Variants in WWOX observed in about 807,000 individuals in gnomAD.
WWOX encodes WW domain-containing oxidoreductase.
In WWOX, 69 loss-of-function variants were observed where a neutral mutation model predicts 46.2. The ratio of observed to expected loss-of-function variants is 1.49; its 90% CI spans 1.23 to 1.82. WWOX has a LOEUF of 1.82. Ranked by LOEUF, WWOX falls within the 40% of genes most tolerant of loss-of-function variation. WWOX has a pLI of 0.00. For synonymous variants in WWOX, 359 were observed against 202.6 expected (o/e 1.77, Z -6.56); for missense variants, 919 against 542.6 (o/e 1.69, Z -6.89).
intron 5 of WWOX, among the ~76,000 whole-genome samples, chr16:78,181,615 C>T (rs143476888): frequency 2.0e-5 from 3 of 152,174 alleles, no homozygotes; most frequent in African/African-American, 7.2e-5. Context: ...TAATTTGGTT[C>T]TTTGCTATTG....
intron 8 of WWOX, among the ~76,000 whole-genome samples, chr16:78,516,177 C>T (rs564346397): frequency 6.6e-6 from 1 of 152,330 alleles, no homozygotes; most frequent in Admixed American, 6.5e-5. Flanking sequence ...CCCAAGACCA[C>T]AGCTGACAGC....
At chr16:78,577,995 G>C (rs921604705) in intron 8 of WWOX, among the ~76,000 whole-genome samples, 1 of 151,820 alleles carries the variant, frequency 6.6e-6, no homozygotes, top group African/African-American at 2.4e-5. Flanking sequence ...TTGTCACCTA[G>C]GTCCAGATTT....
intron 6 of WWOX, among the ~76,000 whole-genome samples, chr16:78,409,251 A>G (rs930727472): frequency 3.4e-5 from 5 of 149,188 alleles, no homozygotes; most frequent in Admixed American, 6.6e-5. Context: ...CTGTACAATA[A>G]AAGGGTGAAT....
chr16:78,373,797 G>T (rs1486551497), intron 5 of WWOX, among the ~76,000 whole-genome samples: 1 of 151,988 alleles, frequency 6.6e-6, no homozygotes, highest in Non-Finnish European at 1.5e-5. Flanking sequence ...GCATATATAT[G>T]TATATTTTTT....
chr16:78,167,713 T>TA (rs1421739177), intron 5 of WWOX: 1 of 152,202 alleles, frequency 6.6e-6, no homozygotes, highest in Non-Finnish European at 1.5e-5. Context: ...AAGCTGTAGT[T>TA]ACCATTTCAT....
chr16:78,370,222 T>C (rs74683185), intron 5 of WWOX, among the ~76,000 whole-genome samples: 268 of 152,154 alleles, frequency 1.8e-3, no homozygotes, highest in African/African-American at 6.3e-3. Flanking sequence ...TAAACTCTCT[T>C]TACAATCTGG....
intron 8 of WWOX, among the ~76,000 whole-genome samples, chr16:78,516,934 T>G (rs1301657015): frequency 6.6e-6 from 1 of 152,222 alleles, no homozygotes; most frequent in Non-Finnish European, 1.5e-5. Flanking sequence ...ACCTCATGTC[T>G]GTACCTTTTT....
chr16:78,664,099 G>C (rs564060002), intron 8 of WWOX, among the ~76,000 whole-genome samples: 2 of 152,308 alleles, frequency 1.3e-5, no homozygotes, highest in South Asian at 4.1e-4. Flanking sequence ...TAGGAGGCAG[G>C]AGTGAAAGCT....
intron 8 of WWOX, among the ~76,000 whole-genome samples, chr16:78,734,451 G>C (rs1024729175): frequency 3.3e-5 from 5 of 152,124 alleles, no homozygotes; most frequent in African/African-American, 9.7e-5. Context: ...TATTTAACCT[G>C]TGCGTCCTTA....
chr16:79,085,834 C>A (rs751626709), intron 8 of WWOX, among the ~76,000 whole-genome samples: 1 of 152,004 alleles, frequency 6.6e-6, no homozygotes, highest in Admixed American at 6.6e-5. Flanking sequence ...TCACTTGAGG[C>A]CAGGAGTTCA....
rs546685462 is a variant in WWOX at position 78,343,051 on chromosome 16, A to G, written c.517-43809A>G. Among the ~76,000 whole-genome samples the G allele has an allele frequency of 3.3e-5, 4 of 121,404 alleles. No homozygotes were observed. In the East Asian group the frequency reaches 7.7e-4, roughly 23 times the overall value. The allele number at this position is 121,404 out of a possible 152,430, so 79.6% of individuals were successfully genotyped here. ...CCTTTGACGTGAACCATGGCCATCC[A>G]GTAGGCCACGCAACATTCCCACTGC... On this transcript the variant is annotated intron_variant, in intron 5 of 8. Transcript: ENST00000566780.
chr16:78,798,242 T>C (rs953258245), intron 8 of WWOX, among the ~76,000 whole-genome samples: 2 of 152,120 alleles, frequency 1.3e-5, no homozygotes, highest in African/African-American at 4.8e-5. Context: ...ACTGAAGTTA[T>C]GCTTTGGGCT....
intron 8 of WWOX, among the ~76,000 whole-genome samples, chr16:78,533,155 C>G (rs2043665008): frequency 6.6e-6 from 1 of 151,760 alleles, no homozygotes; most frequent in African/African-American, 2.4e-5. Flanking sequence ...GGTTGGAGCT[C>G]AAGGAAGCTC....
chr16:78,724,654 A>G (rs181997108), intron 8 of WWOX, among the ~76,000 whole-genome samples: 2 of 152,316 alleles, frequency 1.3e-5, no homozygotes, highest in Admixed American at 6.5e-5. Flanking sequence ...ATTTCCATGC[A>G]ATTCCCTCTC....
intron 5 of WWOX, among the ~76,000 whole-genome samples, chr16:78,350,508 T>C (rs181825229): frequency 8.2e-6 from 1 of 121,502 alleles, no homozygotes; most frequent in African/African-American, 2.8e-5. Context: ...TTTCTGTCTC[T>C]ATATAGATTT....
intron 8 of WWOX, among the ~76,000 whole-genome samples, chr16:78,697,643 G>C (rs2048129379): frequency 6.6e-6 from 1 of 152,082 alleles, no homozygotes; most frequent in Non-Finnish European, 1.5e-5. Flanking sequence ...CACCATACGT[G>C]AAAAAATGCT....
At chr16:78,799,718 CCTT>C (rs2050834973) in intron 8 of WWOX, among the ~76,000 whole-genome samples, 1 of 152,150 alleles carries the variant, frequency 6.6e-6, no homozygotes, top group South Asian at 2.1e-4. Flanking sequence ...TGTCCAAAAA[CCTT>C]CTCTAAAGAA....
intron 8 of WWOX, among the ~76,000 whole-genome samples, chr16:79,001,056 C>T (rs1039037736): frequency 1.3e-5 from 2 of 152,288 alleles, no homozygotes; most frequent in Non-Finnish European, 2.9e-5. Flanking sequence ...TCAATAAATA[C>T]ATTAATTAAT....
chr16:78,172,854 A>G (rs2035208016), intron 5 of WWOX, among the ~76,000 whole-genome samples: 1 of 152,200 alleles, frequency 6.6e-6, no homozygotes, highest in Non-Finnish European at 1.5e-5. Flanking sequence ...TCATGTTCAG[A>G]CAGTGTTCAG....
Sources: allele counts gnomAD v4.1 joint callset (sites outside exome capture counted in the v4.1 genomes callset), GRCh38; gene constraint gnomAD v4.1.1; transcripts MANE v1.5; gene names NCBI Gene and HGNC (gene_info 2026-07-23, HGNC 2026-07-21).